Variants in KLHDC4 observed in about 807,000 individuals in gnomAD.
KLHDC4 encodes the protein kelch domain-containing protein 4.
In KLHDC4, 90 loss-of-function variants were observed where a neutral mutation model predicts 62.4. The ratio of observed to expected loss-of-function variants is 1.44; its 90% CI spans 1.22 to 1.72. The LOEUF (loss-of-function observed/expected upper bound fraction) is 1.72, where lower values mean the gene tolerates loss of function less well. KLHDC4 is among the 40% of genes most tolerant of loss of function. KLHDC4 has a pLI of 0.00. For synonymous variants in KLHDC4, 386 were observed against 284.4 expected (o/e 1.36, Z -3.59); for missense variants, 1,025 against 699.7 (o/e 1.47, Z -5.25).
At chr16:87,726,248 G>C (rs1415486531) in intron 7 of KLHDC4, among the ~76,000 whole-genome samples, 205 of 388 alleles carry the variant, frequency 0.53, 32 homozygotes, top group African/African-American at 0.59. Context: ...GTCTCCCCAC[G>C]CCGCGCCTCG....
chr16:87,756,136 G>A, intron 3 of KLHDC4: 1 of 317,326 alleles, frequency 3.2e-6, no homozygotes, highest in South Asian at 5.7e-5. Context: ...ACAAAGAGGG[G>A]TGCGCCCGCC....
chr16:87,716,613 T>C (rs1033712133), intron 7 of KLHDC4, among the ~76,000 whole-genome samples: 3 of 152,100 alleles, frequency 2.0e-5, no homozygotes, highest in African/African-American at 7.2e-5. Context: ...CTGGTTCCCT[T>C]TGTTGGAGAA....
At chr16:87,722,692 G>A (rs2038626527) in intron 7 of KLHDC4, among the ~76,000 whole-genome samples, 3 of 152,236 alleles carry the variant, frequency 2.0e-5, no homozygotes, top group African/African-American at 7.2e-5. Context: ...GGAAACTGGG[G>A]CCGCCCTGCT....
intron 6 of KLHDC4, 64 bp from the exon 7 acceptor site, chr16:87,726,988 T>C: frequency 1.3e-6 from 2 of 1,538,756 alleles, no homozygotes; most frequent in South Asian, 1.1e-5. Context: ...CATTAAAAAC[T>C]GAACTGATTT....
chr16:87,698,519 A>G (rs1199110475), exon 1 of KLHDC4: 3 of 152,242 alleles, frequency 2.0e-5, no homozygotes, highest in African/African-American at 7.2e-5. Context: ...GGTGTCCCTG[A>G]GCGAAGTTGT....
intron 4 of KLHDC4, among the ~76,000 whole-genome samples, 164 bp from the exon 5 acceptor site, chr16:87,748,973 C>G (rs960548373): frequency 2.7e-5 from 4 of 147,790 alleles, no homozygotes; most frequent in African/African-American, 1.0e-4. Flanking sequence ...GGGGAGGATT[C>G]CAGACAAACA....
chr16:87,758,808 G>T (rs1473636633), intron 2 of KLHDC4, among the ~76,000 whole-genome samples: 2 of 152,226 alleles, frequency 1.3e-5, no homozygotes, highest in Admixed American at 6.5e-5. Context: ...AAACAATGTT[G>T]CAACTGGTTA....
At chr16:87,744,393 C>T (rs913393030) in intron 5 of KLHDC4, among the ~76,000 whole-genome samples, 7 of 146,972 alleles carry the variant, frequency 4.8e-5, no homozygotes, top group Non-Finnish European at 5.9e-5. Flanking sequence ...CCAGCCTGGG[C>T]GACGAGAATG....
In KLHDC4 at chr16:87,708,401, C is replaced by T. The variant is rs2035072710; in HGVS notation, c.1513G>A (p.Gly505Ser). Residue 505 changes from glycine to serine, a missense_variant, in exon 11 of 12, where the codon GGT becomes AGT. Coordinates refer to ENST00000270583, the MANE Select transcript of KLHDC4 (RefSeq NM_017566.4). ...EDSEEVEGAE[G>S]GVDDEDSGEE... ...CCGCTGTCTTCGTCGTCGACCCCAC[C>T]CTCGGCGCCCTCAACCTCCTCACTG... 1 of 1,611,694 alleles carries T rather than the reference C, an allele frequency of 6.2e-7. No homozygotes were observed. The highest frequency in any genetic ancestry group is 8.5e-7 in the Non-Finnish European group (1 of 1,179,502).
intron 1 of KLHDC4, among the ~76,000 whole-genome samples, chr16:87,764,769 CA>C (rs1329546612): frequency 1.4e-5 from 2 of 143,118 alleles, no homozygotes; most frequent in African/African-American, 2.6e-5. Context: ...TCCTGTGCCA[CA>C]ACCCTAGCCA....
intron 5 of KLHDC4, among the ~76,000 whole-genome samples, chr16:87,737,106 CAAAAAAAAAA>C (rs55787836): frequency 2.8e-4 from 18 of 64,830 alleles, no homozygotes; most frequent in East Asian, 1.7e-3. Context: ...GCCTGGGCGA[CAAAAAAAAAA>C]AAAAAAAAAA....
At chr16:87,702,635 G>A (rs370873576), upstream of KLHDC4, 84 of 232,004 alleles carry the variant, frequency 3.6e-4, no homozygotes, top group East Asian at 4.9e-3. Flanking sequence ...AGAGCCCGGC[G>A]GAGAAAAAAA....
At chr16:87,760,738 A>T (rs1294187092) in intron 2 of KLHDC4, among the ~76,000 whole-genome samples, 2 of 152,116 alleles carry the variant, frequency 1.3e-5, no homozygotes, top group African/African-American at 4.8e-5. Context: ...CTCAAATGAA[A>T]ATGTACATTT....
At chr16:87,762,686 A>G (rs187739809) in intron 1 of KLHDC4, among the ~76,000 whole-genome samples, 1 of 152,192 alleles carries the variant, frequency 6.6e-6, no homozygotes, top group East Asian at 1.9e-4. Flanking sequence ...AGAAGGTCTC[A>G]ACTTTTACTA....
intron 5 of KLHDC4, among the ~76,000 whole-genome samples, chr16:87,741,407 G>A (rs557520382): frequency 6.6e-6 from 1 of 152,324 alleles, no homozygotes; most frequent in Admixed American, 6.5e-5. Flanking sequence ...TGTCAAAGCA[G>A]CAGCAGCATT....
At chr16:87,701,840 T>G (rs2034158143) in exon 1 of KLHDC4, 2 of 456,484 alleles carry the variant, frequency 4.4e-6, no homozygotes, top group Non-Finnish European at 8.8e-6. Context: ...CACTGCTCGT[T>G]AACAGCTGCC....
chr16:87,758,029 C>G (rs1373107752), intron 2 of KLHDC4, among the ~76,000 whole-genome samples: 1 of 152,180 alleles, frequency 6.6e-6, no homozygotes, highest in Non-Finnish European at 1.5e-5. Context: ...AAGGCGTGCT[C>G]CATAATGCCA....
chr16:87,724,258 G>A (rs2038952265), intron 7 of KLHDC4, among the ~76,000 whole-genome samples: 3 of 152,192 alleles, frequency 2.0e-5, no homozygotes, highest in Admixed American at 6.5e-5. Flanking sequence ...AGGGCTAACT[G>A]TGAAACCATA....
chr16:87,722,139 T>C (rs1048493586), intron 7 of KLHDC4, among the ~76,000 whole-genome samples: 1 of 152,198 alleles, frequency 6.6e-6, no homozygotes, highest in African/African-American at 2.4e-5. Flanking sequence ...CTGGGTCTGC[T>C]GTCCCACACG....
Sources: allele counts gnomAD v4.1 joint callset (sites outside exome capture counted in the v4.1 genomes callset), GRCh38; gene constraint gnomAD v4.1.1; transcripts MANE v1.5; gene names NCBI Gene and HGNC (gene_info 2026-07-23, HGNC 2026-07-21).